PDE4D: variants seen among roughly 807,000 people sequenced by gnomAD.
PDE4D encodes phosphodiesterase 4D.
PDE4D carries 24 observed loss-of-function variants against 87.4 expected under a neutral mutation model. That is an observed-to-expected ratio of 0.27 (90% CI 0.20 to 0.39). The LOEUF is 0.39. Among genes scored for constraint, PDE4D ranks in the 10% least tolerant of loss-of-function variants. The pLI, the probability that PDE4D is intolerant of heterozygous loss-of-function variation, is 1.00. For missense variants in PDE4D, 714 were observed against 1,041.0 expected (o/e 0.69, Z 4.32); for synonymous variants, 384 against 383.2 (o/e 1.00, Z -0.02).
At chr5:59,724,150 A>G (rs138646065) in intron 1 of PDE4D, among the ~76,000 whole-genome samples, 44 of 152,158 alleles carry the variant, frequency 2.9e-4, no homozygotes, top group Non-Finnish European at 5.6e-4. Context: ...GTTCACAGCT[A>G]ATTAATCACT....
intron 1 of PDE4D, among the ~76,000 whole-genome samples, chr5:60,414,333 G>A (rs554976107): frequency 6.6e-6 from 1 of 152,100 alleles, no homozygotes; most frequent in East Asian, 1.9e-4. Context: ...ATATTATTGA[G>A]TATTTTTATG....
chr5:60,152,401 C>T (rs1781585915), intron 2 of PDE4D, among the ~76,000 whole-genome samples: 1 of 152,162 alleles, frequency 6.6e-6, no homozygotes, highest in Middle Eastern at 3.4e-3. Context: ...TGCCTGTAAT[C>T]CCAGTACTTT....
intron 2 of PDE4D, among the ~76,000 whole-genome samples, chr5:59,199,695 G>C (rs746697444): frequency 6.6e-6 from 1 of 151,996 alleles, no homozygotes; most frequent in Non-Finnish European, 1.5e-5. Flanking sequence ...ATTTCTGGGA[G>C]CCTAGACTAT....
intron 1 of PDE4D, among the ~76,000 whole-genome samples, chr5:60,271,097 T>C (rs1750765196): frequency 6.6e-6 from 1 of 152,190 alleles, no homozygotes; most frequent in Non-Finnish European, 1.5e-5. Flanking sequence ...CTATTACATA[T>C]GTATTTATTG....
intron 1 of PDE4D, among the ~76,000 whole-genome samples, chr5:59,314,996 T>C (rs542426482): frequency 6.6e-6 from 1 of 152,098 alleles, no homozygotes; most frequent in Non-Finnish European, 1.5e-5. Context: ...CATGCCTTGT[T>C]GGGGGGAAAG....
In PDE4D at chr5:60,462,087, C is replaced by T. The variant is rs546010991; in HGVS notation, c.-90+25855G>A. Among the ~76,000 whole-genome samples, 5 of 152,158 alleles carry T rather than the reference C, an allele frequency of 3.3e-5. No individual in the cohort carries two copies. In the South Asian group the frequency reaches 1.0e-3, roughly 32 times the overall value. ...TGATGCTTCAGAATGCCCTCTCCTG[C>T]CCTTCTCCAGCCATGCCTCTCCATG... On this transcript the variant is annotated intron_variant, in intron 1 of 16. Transcript: ENST00000502484.
chr5:60,319,931 G>A (rs1482275566), intron 1 of PDE4D, among the ~76,000 whole-genome samples: 1 of 152,236 alleles, frequency 6.6e-6, no homozygotes, highest in Non-Finnish European at 1.5e-5. Flanking sequence ...TGGGGGTCAG[G>A]GACCCAGTTG....
chr5:59,622,273 CA>C (rs1399495633), intron 1 of PDE4D, among the ~76,000 whole-genome samples: 1 of 151,940 alleles, frequency 6.6e-6, no homozygotes, highest in Non-Finnish European at 1.5e-5. Flanking sequence ...AATATAATTC[CA>C]GGGGGAAAAG....
intron 1 of PDE4D, among the ~76,000 whole-genome samples, chr5:59,630,249 G>A (rs1246734208): frequency 6.6e-6 from 1 of 152,156 alleles, no homozygotes; most frequent in Non-Finnish European, 1.5e-5. Context: ...TAAGCATTGT[G>A]ATGTAAAGTC....
intron 2 of PDE4D, among the ~76,000 whole-genome samples, chr5:60,181,345 A>AG: frequency 6.6e-6 from 1 of 152,172 alleles, no homozygotes; most frequent in Non-Finnish European, 1.5e-5. Flanking sequence ...TATTCTAGGG[A>AG]GCCTACTGGG....
chr5:60,492,875 A>T (rs1239598490), upstream of PDE4D, among the ~76,000 whole-genome samples: 1 of 151,824 alleles, frequency 6.6e-6, no homozygotes, highest in East Asian at 1.9e-4. Flanking sequence ...CATGTACCCT[A>T]GTACTTAAAG....
intron 2 of PDE4D, among the ~76,000 whole-genome samples, chr5:60,063,609 G>T (rs938275048): frequency 3.3e-5 from 5 of 152,060 alleles, no homozygotes; most frequent in Non-Finnish European, 5.9e-5. Flanking sequence ...ATGCTAAAAT[G>T]GTTGTTATGA....
intron 1 of PDE4D, among the ~76,000 whole-genome samples, chr5:59,675,703 T>C (rs1747949245): frequency 1.3e-5 from 2 of 152,096 alleles, no homozygotes; most frequent in South Asian, 4.1e-4. Flanking sequence ...CGTAGGCTTT[T>C]TTGAAAAAGG....
chr5:59,642,201 T>C (rs903271333), intron 1 of PDE4D, among the ~76,000 whole-genome samples: 10 of 152,082 alleles, frequency 6.6e-5, no homozygotes, highest in Non-Finnish European at 1.5e-4. Context: ...ATATAAAATT[T>C]AAGTAAAGTT....
chr5:60,104,023 C>A (rs979779819), intron 2 of PDE4D, among the ~76,000 whole-genome samples: 1 of 152,072 alleles, frequency 6.6e-6, no homozygotes, highest in African/African-American at 2.4e-5. Context: ...ACAGTGGGTG[C>A]AGCACACTGT....
chr5:60,253,046 G>T (rs1748648556), intron 1 of PDE4D, among the ~76,000 whole-genome samples: 1 of 151,688 alleles, frequency 6.6e-6, no homozygotes, highest in Admixed American at 6.6e-5. Flanking sequence ...TACCAGCAAC[G>T]GTCACTATTA....
intron 3 of PDE4D, among the ~76,000 whole-genome samples, chr5:59,970,180 C>T (rs1266188959): frequency 1.3e-5 from 2 of 152,154 alleles, no homozygotes; most frequent in African/African-American, 4.8e-5. Flanking sequence ...AGTGGACTAA[C>T]AGCAGAGTTA....
chr5:60,081,793 G>T (rs1294363646), intron 2 of PDE4D, among the ~76,000 whole-genome samples: 1 of 152,132 alleles, frequency 6.6e-6, no homozygotes, highest in African/African-American at 2.4e-5. Context: ...GGCTTGTGGA[G>T]TTTCTGCTAA....
chr5:59,309,084 A>G (rs972124279), intron 1 of PDE4D, among the ~76,000 whole-genome samples: 5 of 152,092 alleles, frequency 3.3e-5, no homozygotes, highest in Non-Finnish European at 4.4e-5. Context: ...CCAAATGGCT[A>G]GTCTCACTCT....
Sources: gnomAD v4.1 joint callset for allele counts (sites outside exome capture counted in the v4.1 genomes callset) on GRCh38, gnomAD v4.1.1 for gene constraint, MANE v1.5 for transcripts, NCBI Gene and HGNC (gene_info 2026-07-23, HGNC 2026-07-21) for gene names.